Variants in PPP2R2C observed in about 807,000 individuals in gnomAD.
PPP2R2C encodes protein phosphatase 2, regulatory subunit B, gamma.
PPP2R2C carries 10 observed loss-of-function variants against 45.3 expected under a neutral mutation model. The observed-to-expected ratio is 0.22, with a 90% confidence interval of 0.14 to 0.37. The LOEUF (loss-of-function observed/expected upper bound fraction) is 0.37. PPP2R2C is among the 10% of genes least tolerant of loss of function. PPP2R2C has a pLI of 1.00. For missense variants in PPP2R2C, 308 were observed against 619.7 expected (o/e 0.50, Z 5.34); for synonymous variants, 257 against 245.4 (o/e 1.05, Z -0.44).
chr4:6,550,561 C>T (rs1184011777), intron 1 of PPP2R2C, among the ~76,000 whole-genome samples: 1 of 152,202 alleles, frequency 6.6e-6, no homozygotes, highest in Non-Finnish European at 1.5e-5. Flanking sequence ...ACAGACAGAC[C>T]TGGCCCCTCC....
At chr4:6,382,570 T>G in intron 1 of PPP2R2C, 2 of 1,308,314 alleles carry the variant, frequency 1.5e-6, no homozygotes, top group Non-Finnish European at 1.0e-6. Context: ...CAGTCTCAGG[T>G]GATGACAGCT....
chr4:6,334,656 G>A (rs1323335742), intron 6 of PPP2R2C, among the ~76,000 whole-genome samples: 1 of 152,206 alleles, frequency 6.6e-6, no homozygotes, highest in Non-Finnish European at 1.5e-5. Context: ...GGGCCACAGA[G>A]AGACCCAGGG....
chr4:6,421,008 G>A (rs1204703005), intron 1 of PPP2R2C: 4 of 985,080 alleles, frequency 4.1e-6, no homozygotes, highest in South Asian at 9.4e-5. Context: ...CGATGTGCCT[G>A]AGGAGGGCTT....
At chr4:6,536,139 A>G (rs1330063301) in intron 1 of PPP2R2C, among the ~76,000 whole-genome samples, 1 of 152,078 alleles carries the variant, frequency 6.6e-6, no homozygotes, top group Non-Finnish European at 1.5e-5. Context: ...ATCAACAGAC[A>G]CTGAAGGAGA....
rs536009892 is a variant in PPP2R2C at position 6,359,346 on chromosome 4, G to A, written c.626-11336C>T. Among the ~76,000 whole-genome samples, 24 of 152,278 alleles carry A rather than the reference G, an allele frequency of 1.6e-4. No homozygotes were observed. In the South Asian group the frequency reaches 5.0e-3, roughly 32 times the overall value. ...AACATCACACACCAGGACCTGTCAT[G>A]GAGTGGGGGAATGGAGGAGGGATAG... On this transcript the variant is annotated intron_variant, in intron 5 of 8. Transcript: ENST00000382599.
chr4:6,512,419 A>C (rs868468849), intron 2 of PPP2R2C, among the ~76,000 whole-genome samples: 2 of 10,108 alleles, frequency 2.0e-4, no homozygotes, highest in African/African-American at 8.2e-4. Context: ...GGTGGTGGTG[A>C]TGGTGGGGGT....
At chr4:6,360,081 G>A (rs564459509) in intron 5 of PPP2R2C, among the ~76,000 whole-genome samples, 1 of 152,236 alleles carries the variant, frequency 6.6e-6, no homozygotes, top group Non-Finnish European at 1.5e-5. Flanking sequence ...TAACCCCAGA[G>A]AGCCATGCCT....
At chr4:6,405,846 C>A (rs1717763484) in intron 1 of PPP2R2C, among the ~76,000 whole-genome samples, 1 of 152,150 alleles carries the variant, frequency 6.6e-6, no homozygotes, top group Admixed American at 6.5e-5. Context: ...CGCGGAGGGG[C>A]AGGGGGAGTC....
intron 2 of PPP2R2C, among the ~76,000 whole-genome samples, chr4:6,497,693 G>T (rs556944252): frequency 1.3e-5 from 2 of 152,124 alleles, no homozygotes; most frequent in Non-Finnish European, 2.9e-5. Flanking sequence ...ATCATAAAGC[G>T]AAAAGACAAG....
chr4:6,384,083 A>G, intron 1 of PPP2R2C: 3 of 985,608 alleles, frequency 3.0e-6, no homozygotes, highest in Non-Finnish European at 3.6e-6. Context: ...CCGGGCATGG[A>G]GTCAGAACAG....
chr4:6,555,866 G>A (rs1725385281), intron 1 of PPP2R2C, among the ~76,000 whole-genome samples: 1 of 152,210 alleles, frequency 6.6e-6, no homozygotes, highest in Non-Finnish European at 1.5e-5. Flanking sequence ...AGTCACTGTT[G>A]TCCCCTGATG....
chr4:6,373,670 G>T (rs1715044303), intron 4 of PPP2R2C, among the ~76,000 whole-genome samples: 2 of 152,238 alleles, frequency 1.3e-5, no homozygotes, highest in South Asian at 4.1e-4. Context: ...GAGCTCTCAG[G>T]GAACAGCTGA....
intron 1 of PPP2R2C, among the ~76,000 whole-genome samples, chr4:6,546,871 G>A (rs962205451): frequency 2.0e-5 from 3 of 152,202 alleles, no homozygotes; most frequent in African/African-American, 7.2e-5. Flanking sequence ...GGTCAGCCCG[G>A]AATCTTTGGA....
intron 1 of PPP2R2C, among the ~76,000 whole-genome samples, chr4:6,538,776 C>T (rs1299242916): frequency 3.3e-5 from 5 of 152,218 alleles, no homozygotes; most frequent in Non-Finnish European, 4.4e-5. Context: ...AGGCAGCAGA[C>T]GCGTGGAGCT....
At chr4:6,509,414 A>G (rs1446752800) in intron 2 of PPP2R2C, among the ~76,000 whole-genome samples, 8 of 152,188 alleles carry the variant, frequency 5.3e-5, no homozygotes, top group African/African-American at 1.4e-4. Flanking sequence ...AGGGGGAAAA[A>G]AAGTCGAAAT....
rs1341505197 is a variant in PPP2R2C at position 6,547,144 on chromosome 4, G to T, written c.-58-11767C>A. Among the ~76,000 whole-genome samples, 6 of 152,130 alleles carry T rather than the reference G, an allele frequency of 3.9e-5. No individual in the cohort carries two copies. In the South Asian group the frequency reaches 1.0e-3, roughly 26 times the overall value. On this transcript the variant is annotated intron_variant, in intron 1 of 9. Transcript: ENST00000506140. ...CAGATTCGGCGATTATCAAGATTTT[G>T]CCACACTTGCTTCATCTCTCCCTTT...
chr4:6,493,423 C>G (rs1165171384), intron 2 of PPP2R2C, among the ~76,000 whole-genome samples: 1 of 151,620 alleles, frequency 6.6e-6, no homozygotes, highest in East Asian at 1.9e-4. Context: ...CTATCCCAAG[C>G]AGGCCACACA....
At chr4:6,519,540 A>C (rs1341099637) in intron 2 of PPP2R2C, among the ~76,000 whole-genome samples, 1 of 152,244 alleles carries the variant, frequency 6.6e-6, no homozygotes, top group Non-Finnish European at 1.5e-5. Context: ...CTCCTGCCAC[A>C]GGGCCTTTGC....
chr4:6,410,228 G>C (rs1319710336), intron 1 of PPP2R2C, among the ~76,000 whole-genome samples: 1 of 152,222 alleles, frequency 6.6e-6, no homozygotes, highest in Non-Finnish European at 1.5e-5. Context: ...GAGTCTGCTG[G>C]AGTAGTGGGA....
Sources: allele counts gnomAD v4.1 joint callset (sites outside exome capture counted in the v4.1 genomes callset), GRCh38; gene constraint gnomAD v4.1.1; transcripts MANE v1.5; gene names NCBI Gene and HGNC (gene_info 2026-07-23, HGNC 2026-07-21).